The following ZNF250 variants were observed in gnomAD, a reference collection of about 807,000 sequenced individuals.
The protein encoded by ZNF250 is zinc finger protein (clone 647).
A neutral mutation model predicts 37.1 loss-of-function variants in ZNF250; 13 were observed. That is an observed-to-expected ratio of 0.35 (90% CI 0.23 to 0.56). The LOEUF (loss-of-function observed/expected upper bound fraction) is 0.56. Ranked by LOEUF, ZNF250 falls within the 20% of genes least tolerant of loss-of-function variation. The pLI is 0.87. For synonymous variants in ZNF250, 251 were observed against 265.6 expected, an observed-to-expected ratio of 0.94 and a Z score of 0.54; for missense variants, 474 against 697.9, an observed-to-expected ratio of 0.68 and a Z score of 3.61.
intron 1 of ZNF250, among the ~76,000 whole-genome samples, chr8:144,892,804 C>T (rs1276808794): frequency 2.0e-5 from 3 of 151,614 alleles, no homozygotes; most frequent in African/African-American, 7.3e-5. Flanking sequence ...GTGATCCGCC[C>T]GCCTTGGCCT....
intron 1 of ZNF250, among the ~76,000 whole-genome samples, chr8:144,899,325 G>A (rs1046652605): frequency 2.0e-5 from 3 of 151,948 alleles, no homozygotes; most frequent in Admixed American, 6.6e-5. Context: ...TTGATACCAC[G>A]GTAAGATGAC....
Position 144,880,768 on chromosome 8 carries a change from G to C in ZNF250, c.*747C>G, listed in dbSNP as rs990871070. 2.9e-5 allele frequency: 8 copies of C among 278,162 alleles called. No homozygotes were observed. The highest frequency in any genetic ancestry group is 5.1e-5 in the Non-Finnish European group (7 of 135,940). The allele number at this position is 278,162 out of a possible 1,614,324, so 17.2% of individuals were successfully genotyped here. On this transcript the variant is annotated 3_prime_UTR_variant, in exon 6 of 6. Coordinates refer to ENST00000417550, the MANE Select transcript of ZNF250 (RefSeq NM_001109689.4). ...AATCCTAGTTACTTGGGAGACTGAG[G>C]CACAAGAAAAGCTTGAACCTGGGGT...
chr8:144,886,654 T>G (rs987525788), intron 5 of ZNF250, among the ~76,000 whole-genome samples, 186 bp downstream of exon 5: 2 of 152,216 alleles, frequency 1.3e-5, no homozygotes, highest in East Asian at 3.8e-4. Flanking sequence ...CTACTATGGC[T>G]CACAAGAAAA....
intron 5 of ZNF250, among the ~76,000 whole-genome samples, chr8:144,883,443 G>A (rs1158971880): frequency 6.6e-6 from 1 of 151,856 alleles, no homozygotes; most frequent in East Asian, 1.9e-4. Context: ...GGGGTCAAGC[G>A]ATTCTCGTGT....
At position 144,877,762 on chromosome 8, in the gene ZNF250, T is replaced by C. The variant is rs980256167; in HGVS notation, c.*3753A>G. On this transcript the variant is annotated 3_prime_UTR_variant, in exon 6 of 6. Transcript: ENST00000417550. ...AATGATATTAAGCTCATTTTAAGAA[T>C]GCAGGAAAAAAACTATACTTTTTGG... The C allele has an allele frequency of 3.9e-5, 6 of 152,248 alleles. No individual in the cohort carries two copies. In the South Asian group the frequency reaches 1.2e-3, roughly 32 times the overall value. The allele number at this position is 152,248 out of a possible 1,614,324, so 9.4% of individuals were successfully genotyped here. A position where few individuals can be genotyped will look rare whatever the true frequency, so the allele number is the denominator to read the frequency against.
At chr8:144,893,758 G>C (rs1412206295) in intron 1 of ZNF250, among the ~76,000 whole-genome samples, 1 of 152,160 alleles carries the variant, frequency 6.6e-6, no homozygotes, top group African/African-American at 2.4e-5. Flanking sequence ...ACAACCACAG[G>C]AAGTACATTC....
intron 5 of ZNF250, among the ~76,000 whole-genome samples, chr8:144,883,459 C>A (rs939949349): frequency 6.6e-6 from 1 of 151,926 alleles, no homozygotes; most frequent in Non-Finnish European, 1.5e-5. Flanking sequence ...CGTGTCTCAG[C>A]CTCCTGAGTA....
intron 5 of ZNF250, 135 bp downstream of exon 5, chr8:144,886,705 C>G (rs1831905715): frequency 1.5e-6 from 1 of 664,868 alleles, no homozygotes; most frequent in Admixed American, 3.1e-5. Flanking sequence ...AAAGCCCCTC[C>G]CTGGTGTTTT....
chr8:144,883,545 G>A (rs1400158778), intron 5 of ZNF250, among the ~76,000 whole-genome samples: 9 of 152,068 alleles, frequency 5.9e-5, no homozygotes, highest in East Asian at 5.8e-4. Flanking sequence ...TTATCGTGTC[G>A]GCCAGACTGG....
intron 1 of ZNF250, among the ~76,000 whole-genome samples, chr8:144,892,768 G>A (rs1163878760): frequency 1.3e-5 from 2 of 152,028 alleles, no homozygotes; most frequent in African/African-American, 4.8e-5. Context: ...ATGTTGGTCA[G>A]GCTGGTCTTG....
At position 144,880,718 on chromosome 8, in the gene ZNF250, G is replaced by T; in HGVS notation, c.*797C>A. 1 of 326,022 alleles carries T rather than the reference G, an allele frequency of 3.1e-6. No individual in the cohort carries two copies. Among genetic ancestry groups the T allele is most frequent in the Non-Finnish European group, 6.2e-6 (1 of 161,554 alleles). The allele number at this position is 326,022 out of a possible 1,614,324, so 20.2% of individuals were successfully genotyped here. Reference sequence around the variant, plus strand: ...GTCTCTACTAAAAATACAAAAATTAGCCAGGTGTGGTGGCGCATATCTATA... The same window carrying T: ...GTCTCTACTAAAAATACAAAAATTATCCAGGTGTGGTGGCGCATATCTATA... On this transcript the variant is annotated 3_prime_UTR_variant, in exon 6 of 6. Coordinates refer to ENST00000417550, the MANE Select transcript of ZNF250 (RefSeq NM_001109689.4).
rs1832195359 is a variant in ZNF250 at position 144,889,928 on chromosome 8, C to A, written c.169+5G>T. 1 of 1,596,760 alleles carries A rather than the reference C, an allele frequency of 6.3e-7. No homozygotes were observed. Among genetic ancestry groups the A allele is most frequent in the East Asian group, 2.2e-5 (1 of 44,568 alleles). On this transcript the variant is annotated splice_donor_5th_base_variant and intron_variant, in intron 3 of 5. Transcript: ENST00000417550. ...ACATAGACGAGGCCTGCTAAGGTGG[C>A]TTACCCAATGAGACTACATTCCCAT...
chr8:144,893,193 G>A (rs1370363078), intron 1 of ZNF250, among the ~76,000 whole-genome samples: 1 of 152,070 alleles, frequency 6.6e-6, no homozygotes, highest in Non-Finnish European at 1.5e-5. Flanking sequence ...TTAAGATGAA[G>A]ACCAAGTGTG....
Position 144,882,905 on chromosome 8 carries a change from AC to A in ZNF250, c.347-70del. 1.3e-6 allele frequency: 2 copies of A among 1,534,582 alleles called. No homozygotes were observed. The highest frequency in any genetic ancestry group is 2.6e-5 in the South Asian group (2 of 77,010). On this transcript the variant is annotated intron_variant, in intron 5 of 5. Transcript: ENST00000417550. This position sits in a 1 kb window ranked among gnomAD's most constrained non-coding sequence, Gnocchi z 5.5. ...ACTGAAGAGCTAGTGCAACCCTGAA[AC>A]TGGCCTTGCTGATGAAGGTGCAAAA...
At position 144,881,470 on chromosome 8, in the gene ZNF250, C is replaced by A. The variant is rs1831461225; in HGVS notation, c.*45G>T. The A allele has an allele frequency of 6.5e-7, 1 of 1,531,626 alleles. No individual in the cohort carries two copies. The highest frequency in any genetic ancestry group is 1.3e-5 in the South Asian group (1 of 77,074). 94.9% of individuals were successfully genotyped at this position (1,531,626 alleles called of 1,614,324 possible). ...CTTGGGCTGAAGGCTGCTTGTGGTTCCACATGCAGTTTCTGTGAGAATGGA... is the reference window on the plus strand; with the variant it reads ...CTTGGGCTGAAGGCTGCTTGTGGTTACACATGCAGTTTCTGTGAGAATGGA... On this transcript the variant is annotated 3_prime_UTR_variant, in exon 6 of 6. Coordinates refer to ENST00000417550, the MANE Select transcript of ZNF250 (RefSeq NM_001109689.4).
At chr8:144,884,336 C>T (rs1238100706) in intron 5 of ZNF250, among the ~76,000 whole-genome samples, 3 of 152,226 alleles carry the variant, frequency 2.0e-5, no homozygotes, top group Non-Finnish European at 4.4e-5. Context: ...ACTGCAACCT[C>T]TGCCTCCCGG....
In ZNF250 at chr8:144,879,923, G is replaced by T. The variant is rs371672385; in HGVS notation, c.*1592C>A. ...TCTACTAAAAATACGAAAATTAGTC[G>T]GGCGTGGTAGCAGGTGCCTGTAATT... On this transcript the variant is annotated 3_prime_UTR_variant, in exon 6 of 6. Coordinates refer to ENST00000417550, the MANE Select transcript of ZNF250 (RefSeq NM_001109689.4). 6.6e-6 allele frequency: 1 copy of T among 152,392 alleles called. No homozygotes were observed. Among genetic ancestry groups the T allele is most frequent in the Non-Finnish European group, 1.5e-5 (1 of 68,246 alleles). 9.4% of individuals were successfully genotyped at this position (152,392 alleles called of 1,614,324 possible).
chr8:144,892,861 A>G (rs772576569), intron 1 of ZNF250, among the ~76,000 whole-genome samples: 2 of 56,548 alleles, frequency 3.5e-5, no homozygotes, highest in Non-Finnish European at 3.8e-5. Context: ...TCCAGCCACC[A>G]ATTTTTTTTT....
chr8:144,891,978 T>A lies in ZNF250; in HGVS notation c.-54-1575A>T, dbSNP rs1056188443. ...ATGTGGAGGTTGCAGTGAGCTGAGA[T>A]CATCTCAGCTGAGACTCTGTCTCAA... is the stretch of plus-strand genomic sequence containing the variant. On this transcript the variant is annotated intron_variant, in intron 1 of 5. Transcript: ENST00000417550. This position sits in a 1 kb window ranked among gnomAD's most constrained non-coding sequence, Gnocchi z 4.0. Among the ~76,000 whole-genome samples the A allele has an allele frequency of 7.9e-5, 12 of 152,162 alleles. No individual in the cohort carries two copies. Among genetic ancestry groups the A allele is most frequent in the African/African-American group, 2.9e-4 (12 of 41,504 alleles).
Sources: gnomAD v4.1 joint callset for allele counts (sites outside exome capture counted in the v4.1 genomes callset) on GRCh38, gnomAD v4.1.1 for gene constraint, Gnocchi (gnomAD v3.1) non-coding constraint, MANE v1.5 for transcripts, NCBI Gene and HGNC (gene_info 2026-07-23, HGNC 2026-07-21) for gene names.